The following GALNT13 variants were observed in gnomAD, a reference collection of about 807,000 sequenced individuals.
GALNT13 encodes the protein UDP-GalNAc:polypeptide N-acetylgalactosaminyltransferase 13.
Under a neutral mutation model 64.2 loss-of-function variants are expected in GALNT13, and 28 were observed. The observed-to-expected ratio is 0.44, with a 90% confidence interval of 0.32 to 0.60. The LOEUF (loss-of-function observed/expected upper bound fraction) is 0.60, where lower values mean the gene tolerates loss of function less well. Ranked by LOEUF, GALNT13 falls within the 20% of genes least tolerant of loss-of-function variation. The pLI is 0.05. For synonymous variants in GALNT13, 214 were observed against 224.6 expected (o/e 0.95, Z 0.42); for missense variants, 577 against 669.8 (o/e 0.86, Z 1.53).
the GALNT13 span, among the ~76,000 whole-genome samples, chr2:153,131,927 A>G: frequency 6.6e-6 from 1 of 152,132 alleles, no homozygotes; most frequent in Non-Finnish European, 1.5e-5. Flanking sequence ...ATATTCAAGA[A>G]GACATCTAGA....
the GALNT13 span, among the ~76,000 whole-genome samples, chr2:153,710,165 G>A: frequency 6.6e-6 from 1 of 152,072 alleles, no homozygotes; most frequent in Non-Finnish European, 1.5e-5. Context: ...CGTATGTGAG[G>A]TGATAGATAC....
chr2:153,161,376 A>C, the GALNT13 span, among the ~76,000 whole-genome samples: 1 of 152,172 alleles, frequency 6.6e-6, no homozygotes, highest in African/African-American at 2.4e-5. Flanking sequence ...ACAGACAAAA[A>C]CACCTGCCTT....
chr2:154,276,850 T>A (rs1022735175), intron 8 of GALNT13, among the ~76,000 whole-genome samples: 1 of 152,150 alleles, frequency 6.6e-6, no homozygotes, highest in African/African-American at 2.4e-5. Context: ...AAAGGGCTTT[T>A]CCCCCTTTTG....
At chr2:154,445,053 A>G (rs930424218) in intron 12 of GALNT13, among the ~76,000 whole-genome samples, 1 of 152,014 alleles carries the variant, frequency 6.6e-6, no homozygotes, top group Non-Finnish European at 1.5e-5. Flanking sequence ...AAAATGAACT[A>G]TGCTTTGTTT....
intron 4 of GALNT13, among the ~76,000 whole-genome samples, chr2:154,149,027 C>A (rs1683804941): frequency 1.3e-5 from 2 of 152,064 alleles, no homozygotes; most frequent in South Asian, 4.1e-4. Context: ...AATGGTAATG[C>A]CTAGGTTTTC....
At chr2:153,338,344 C>A in the GALNT13 span, among the ~76,000 whole-genome samples, 233 of 151,796 alleles carry the variant, frequency 1.5e-3, 3 homozygotes, top group African/African-American at 5.3e-3. Flanking sequence ...AAAGATAAAA[C>A]AAAAATAAAA....
At chr2:154,351,373 GA>G (rs575603362) in intron 9 of GALNT13, among the ~76,000 whole-genome samples, 4 of 149,766 alleles carry the variant, frequency 2.7e-5, no homozygotes, top group Non-Finnish European at 4.5e-5. Context: ...GAACTGAATT[GA>G]AAAAAAAATG....
At chr2:153,470,409 C>T in the GALNT13 span, among the ~76,000 whole-genome samples, 2 of 152,096 alleles carry the variant, frequency 1.3e-5, no homozygotes, top group Non-Finnish European at 1.5e-5. Flanking sequence ...CCAGTCACAG[C>T]GGTTTGTTCA....
chr2:154,300,418 G>C (rs1693374665), intron 8 of GALNT13, among the ~76,000 whole-genome samples: 1 of 151,958 alleles, frequency 6.6e-6, no homozygotes, highest in Admixed American at 6.6e-5. Flanking sequence ...TGGCCAGAAA[G>C]ATATTTTTCT....
intron 9 of GALNT13, among the ~76,000 whole-genome samples, chr2:154,385,541 TAATA>T (rs1698472632): frequency 1.3e-5 from 2 of 152,054 alleles, no homozygotes; most frequent in African/African-American, 4.8e-5. Context: ...TAAGTATACT[TAATA>T]AAGTTATTTA....
At chr2:153,684,916 G>A in the GALNT13 span, among the ~76,000 whole-genome samples, 3 of 151,378 alleles carry the variant, frequency 2.0e-5, no homozygotes, top group African/African-American at 7.3e-5. Flanking sequence ...TTGTATTTCC[G>A]TTCCTGTGTT....
chr2:154,231,086 C>G (rs1252302192), intron 4 of GALNT13, among the ~76,000 whole-genome samples: 1 of 152,060 alleles, frequency 6.6e-6, no homozygotes, highest in Non-Finnish European at 1.5e-5. Flanking sequence ...TTTTTAGCTT[C>G]ACATCATTTG....
Position 154,333,629 on chromosome 2 carries a change from T to G in GALNT13, c.1156+32040T>G, listed in dbSNP as rs190467747. 2.6e-5 allele frequency among the ~76,000 whole-genome samples: 4 copies of G among 152,216 alleles called. No homozygotes were observed. In the East Asian group the frequency reaches 7.7e-4, roughly 29 times the overall value. ...CCCCTATTTTATATTAATTTTTAAT[T>G]CACTTGAAATAGCAATGAATTCTTT... On this transcript the variant is annotated intron_variant, in intron 9 of 12. Coordinates refer to ENST00000392825, the MANE Select transcript of GALNT13 (RefSeq NM_052917.4).
chr2:153,401,755 C>T, the GALNT13 span, among the ~76,000 whole-genome samples: 1 of 148,584 alleles, frequency 6.7e-6, no homozygotes, highest in Non-Finnish European at 1.5e-5. Context: ...CAACCCCTGC[C>T]TTTTTTTGTT....
intron 3 of GALNT13, among the ~76,000 whole-genome samples, chr2:154,016,741 C>G (rs1227758176): frequency 2.0e-5 from 3 of 152,044 alleles, no homozygotes; most frequent in Admixed American, 2.0e-4. Context: ...ACAAATCAAG[C>G]CAACAGGATG....
At chr2:153,918,320 A>T (rs1689529426) in intron 2 of GALNT13, among the ~76,000 whole-genome samples, 1 of 152,160 alleles carries the variant, frequency 6.6e-6, no homozygotes, top group Non-Finnish European at 1.5e-5. Context: ...CGGTAGAGAT[A>T]ACATACACCA....
intron 3 of GALNT13, among the ~76,000 whole-genome samples, chr2:154,078,455 C>G (rs1264303893): frequency 3.3e-5 from 5 of 151,456 alleles, no homozygotes. Flanking sequence ...ATAGAGTAAA[C>G]ATGTAAGCTA....
chr2:153,666,290 G>A, the GALNT13 span, among the ~76,000 whole-genome samples: 1 of 152,004 alleles, frequency 6.6e-6, no homozygotes, highest in African/African-American at 2.4e-5. Flanking sequence ...TGCCACCACT[G>A]GTGTGCACAC....
At chr2:153,458,088 A>G in the GALNT13 span, among the ~76,000 whole-genome samples, 1 of 152,184 alleles carries the variant, frequency 6.6e-6, no homozygotes, top group Non-Finnish European at 1.5e-5. Context: ...CTTCTGCTGT[A>G]GTTCTTATCC....
Sources: gnomAD v4.1 joint callset for allele counts (sites outside exome capture counted in the v4.1 genomes callset) on GRCh38, gnomAD v4.1.1 for gene constraint, MANE v1.5 for transcripts, NCBI Gene and HGNC (gene_info 2026-07-23, HGNC 2026-07-21) for gene names.